The following BCL2L1 variants were observed in gnomAD, a reference collection of about 807,000 sequenced individuals.
BCL2L1 encodes the protein BCL2 like 1, also known as bcl-2-like protein 1.
Under a neutral mutation model 18.7 loss-of-function variants are expected in BCL2L1, and 1 was observed. That is an observed-to-expected ratio of 0.05 (90% CI 0.02 to 0.25). The LOEUF is 0.25. Ranked by LOEUF, BCL2L1 falls within the 10% of genes least tolerant of loss-of-function variation. The pLI, the probability that BCL2L1 is intolerant of heterozygous loss-of-function variation, is 1.00. For missense variants in BCL2L1, 207 were observed against 304.9 expected (o/e 0.68, Z 2.39); for synonymous variants, 103 against 122.7 (o/e 0.84, Z 1.06).
chr20:31,712,543 C>T (rs930720490), intron 2 of BCL2L1, among the ~76,000 whole-genome samples: 2 of 152,124 alleles, frequency 1.3e-5, no homozygotes, highest in Admixed American at 6.6e-5. Flanking sequence ...ACTGTTTATC[C>T]TGGGACATGG....
intron 2 of BCL2L1, among the ~76,000 whole-genome samples, chr20:31,703,889 C>A (rs1421600417): frequency 6.6e-6 from 1 of 151,258 alleles, no homozygotes; most frequent in Non-Finnish European, 1.5e-5. Context: ...CCTCTGCCTC[C>A]CAGGTTCAAG....
chr20:31,699,651 G>C (rs1438327437), intron 2 of BCL2L1, among the ~76,000 whole-genome samples: 1 of 152,228 alleles, frequency 6.6e-6, no homozygotes, highest in Non-Finnish European at 1.5e-5. Context: ...TGGAGCAGGG[G>C]AAAGAAGCCT....
intron 2 of BCL2L1, among the ~76,000 whole-genome samples, chr20:31,698,685 C>T (rs772534780): frequency 3.9e-5 from 6 of 151,966 alleles, no homozygotes; most frequent in Non-Finnish European, 7.4e-5. Flanking sequence ...AATACAGGTG[C>T]GAAACACCAC....
At chr20:31,723,757 G>C (rs1159919277), upstream of BCL2L1, 1 of 985,288 alleles carries the variant, frequency 1.0e-6, no homozygotes, top group African/African-American at 1.7e-5. Context: ...CGAGCCGTGG[G>C]GGGCCACATC....
At chr20:31,687,543 G>A (rs1214080361) in intron 2 of BCL2L1, among the ~76,000 whole-genome samples, 1 of 151,890 alleles carries the variant, frequency 6.6e-6, no homozygotes, top group Non-Finnish European at 1.5e-5. Flanking sequence ...CGGGTGTGGT[G>A]GCACGCGCCT....
At chr20:31,713,762 C>T (rs1227404455) in intron 2 of BCL2L1, among the ~76,000 whole-genome samples, 2 of 152,104 alleles carry the variant, frequency 1.3e-5, no homozygotes, top group Non-Finnish European at 2.9e-5. Flanking sequence ...ATTAATTCAC[C>T]CAATCTTCAG....
rs530330473 is a variant in BCL2L1, at chr20:31,715,019, A to C, written c.564+6636T>G. ...GCCTGGCACGGTGGCTCACGCCTGT[A>C]ATTCCAGCACTTTAGGAGGCTGAGG... On this transcript the variant is annotated intron_variant, in intron 2 of 2. Coordinates refer to ENST00000307677, the MANE Select transcript of BCL2L1 (RefSeq NM_138578.3). 1.7e-3 allele frequency among the ~76,000 whole-genome samples: 266 copies of C among 152,268 alleles called. 2 individuals are homozygous for C. Among genetic ancestry groups the C allele is most frequent in the African/African-American group, 6.1e-3 (253 of 41,544 alleles).
intron 2 of BCL2L1, among the ~76,000 whole-genome samples, chr20:31,690,147 A>G (rs1223537074): frequency 6.6e-6 from 1 of 152,012 alleles, no homozygotes; most frequent in East Asian, 1.9e-4. Context: ...GCAGTGGCAT[A>G]ATCATGACTC....
At chr20:31,697,890 C>CTTTTTTTTTTTTTTTT (rs2061202499) in intron 2 of BCL2L1, among the ~76,000 whole-genome samples, 1 of 78,816 alleles carries the variant, frequency 1.3e-5, no homozygotes, top group Non-Finnish European at 2.4e-5. Context: ...TGTGCTGTTG[C>CTTTTTTTTTTTTTTTT]TGTTTTTTTT....
intron 2 of BCL2L1, chr20:31,720,427 A>C (rs2061604620): frequency 1.6e-6 from 1 of 638,524 alleles, no homozygotes. Context: ...CTCTGAGGGG[A>C]TAGAACATCT....
chr20:31,723,759 GGCCACATCCCCCTTC>G (rs915831182), upstream of BCL2L1: 25 of 985,276 alleles, frequency 2.5e-5, no homozygotes, highest in Admixed American at 1.8e-4. Flanking sequence ...AGCCGTGGGG[GGCCACATCCCCCTTC>G]ATCGGCCCGG....
At chr20:31,692,653 G>A (rs2061093636) in intron 2 of BCL2L1, among the ~76,000 whole-genome samples, 1 of 152,104 alleles carries the variant, frequency 6.6e-6, no homozygotes, top group African/African-American at 2.4e-5. Flanking sequence ...GCTCACAGCT[G>A]TAATCTCAGC....
At chr20:31,666,119 G>C in intron 2 of BCL2L1, 33 bp from the exon 3 acceptor site, 1 of 1,612,564 alleles carries the variant, frequency 6.2e-7, no homozygotes, top group Non-Finnish European at 8.5e-7. Flanking sequence ...TGCAGTTTTA[G>C]TCCTCAGAGA....
chr20:31,686,741 C>T (rs895878158), intron 2 of BCL2L1, among the ~76,000 whole-genome samples: 1 of 152,016 alleles, frequency 6.6e-6, no homozygotes, highest in African/African-American at 2.4e-5. Context: ...AAATGGAAAC[C>T]ACAAGTCTTC....
At chr20:31,695,026 G>A (rs1242354961) in intron 2 of BCL2L1, among the ~76,000 whole-genome samples, 1 of 152,168 alleles carries the variant, frequency 6.6e-6, no homozygotes, top group Admixed American at 6.5e-5. Context: ...ATGGCAGTAA[G>A]GACTTTCCAG....
chr20:31,713,236 G>C (rs967112032), intron 2 of BCL2L1: 3 of 975,678 alleles, frequency 3.1e-6, no homozygotes, highest in Non-Finnish European at 3.7e-6. Flanking sequence ...CCTAGGGTAG[G>C]GGGTAATGGC....
At chr20:31,685,399 C>CA (rs113218713) in intron 2 of BCL2L1, among the ~76,000 whole-genome samples, 11,723 of 132,872 alleles carry the variant, frequency 0.088, 510 homozygotes, top group Middle Eastern at 0.13. Flanking sequence ...GACTCCATCT[C>CA]AAAAAAAAAA....
chr20:31,699,999 G>A (rs2061249197), intron 2 of BCL2L1, among the ~76,000 whole-genome samples: 1 of 152,050 alleles, frequency 6.6e-6, no homozygotes, highest in Admixed American at 6.6e-5. Flanking sequence ...AACTGAGTTG[G>A]CCCATGCATA....
chr20:31,688,452 A>G (rs561687233), intron 2 of BCL2L1, among the ~76,000 whole-genome samples: 1 of 151,764 alleles, frequency 6.6e-6, no homozygotes, highest in Admixed American at 6.6e-5. Flanking sequence ...TCCAAAAAAA[A>G]AAAAAAAAGA....
Sources: allele counts gnomAD v4.1 joint callset (sites outside exome capture counted in the v4.1 genomes callset), GRCh38; gene constraint gnomAD v4.1.1; transcripts MANE v1.5; gene names NCBI Gene and HGNC (gene_info 2026-07-23, HGNC 2026-07-21).